SUSD5: variants seen among roughly 807,000 people sequenced by gnomAD.
The protein encoded by SUSD5 is sushi domain-containing protein 5.
In SUSD5, 33 loss-of-function variants were observed where a neutral mutation model predicts 29.5. The ratio of observed to expected loss-of-function variants is 1.12; its 90% CI spans 0.85 to 1.49. The LOEUF is 1.49. Ranked by LOEUF, SUSD5 falls within the 40% of genes most tolerant of loss-of-function variation. SUSD5 has a pLI of 0.00. For synonymous variants in SUSD5, 308 were observed against 325.3 expected (o/e 0.95, Z 0.57); for missense variants, 776 against 800.6 (o/e 0.97, Z 0.37).
chr3:33,179,167 A>C (rs551700724), intron 3 of SUSD5, among the ~76,000 whole-genome samples: 3 of 152,344 alleles, frequency 2.0e-5, no homozygotes, highest in East Asian at 3.9e-4. Flanking sequence ...CAATGGGACA[A>C]TTTAATGTAG....
At chr3:33,160,423 C>T (rs2031160156) in intron 4 of SUSD5, among the ~76,000 whole-genome samples, 2 of 151,640 alleles carry the variant, frequency 1.3e-5, no homozygotes, top group South Asian at 2.1e-4. Context: ...GGTGTGGTGG[C>T]ACACACCTGT....
intron 3 of SUSD5, among the ~76,000 whole-genome samples, chr3:33,175,994 C>T (rs1056645292): frequency 2.0e-5 from 3 of 152,192 alleles, no homozygotes; most frequent in Non-Finnish European, 4.4e-5. Context: ...CCTCTGTGCT[C>T]TGCTTATTTA....
At chr3:33,202,024 T>TTATCTAACTATC (rs146861505) in intron 3 of SUSD5, among the ~76,000 whole-genome samples, 112 of 146,646 alleles carry the variant, frequency 7.6e-4, no homozygotes, top group African/African-American at 2.8e-3. Flanking sequence ...AGGGGAGAAG[T>TTATCTAACTATC]TATCTATCTA....
In SUSD5 at chr3:33,152,522, G is replaced by T. The variant is rs1464624317; in HGVS notation, c.*220C>A. 1.8e-6 allele frequency: 1 copy of T among 561,126 alleles called. No homozygotes were observed. The highest frequency in any genetic ancestry group is 1.9e-5 in the African/African-American group (1 of 53,268). The allele number at this position is 561,126 out of a possible 1,614,324, so 34.8% of individuals were successfully genotyped here. On this transcript the variant is annotated 3_prime_UTR_variant, in exon 5 of 5. Transcript: ENST00000309558. ...TCTGGGATTAGTGTAGTCAATTCCA[G>T]GGCAGATGGTGGAGGAGACATTGAC...
At position 33,153,842 on chromosome 3, in the gene SUSD5, T is replaced by C. The variant is rs1334974620; in HGVS notation, c.790A>G (p.Lys264Glu). The C allele has an allele frequency of 6.2e-7, 1 of 1,614,012 alleles. No individual in the cohort carries two copies. The highest frequency in any genetic ancestry group is 8.5e-7 in the Non-Finnish European group (1 of 1,179,868). Residue 264 changes from lysine (K) to glutamate (E), a missense_variant, in exon 5 of 5, where the codon AAA becomes GAA. Coordinates refer to ENST00000309558, the MANE Select transcript of SUSD5 (RefSeq NM_015551.2). ...AAGCCTGTGGTTGGCACAAAGACTT[T>C]ATCCCGGGCTATGTTTTCTCTCCCC... ...SVGRENIARD[K>E]VFVPTTGLPG...
At position 33,150,085 on chromosome 3, in the gene SUSD5, T is replaced by C. The variant is rs1416781814; in HGVS notation, c.*2657A>G. 1.3e-5 allele frequency: 2 copies of C among 152,198 alleles called. No individual in the cohort carries two copies. The highest frequency in any genetic ancestry group is 2.9e-5 in the Non-Finnish European group (2 of 68,038). 9.4% of individuals were successfully genotyped at this position (152,198 alleles called of 1,614,324 possible). On this transcript the variant is annotated 3_prime_UTR_variant, in exon 5 of 5. Coordinates refer to ENST00000309558, the MANE Select transcript of SUSD5 (RefSeq NM_015551.2). ...TATTTTAAATATCTCAGAAGCTTTGTGTTAATAGAACCCCCTCCCCCAATT... is the reference window on the plus strand; with the variant it reads ...TATTTTAAATATCTCAGAAGCTTTGCGTTAATAGAACCCCCTCCCCCAATT...
intron 3 of SUSD5, among the ~76,000 whole-genome samples, chr3:33,191,080 G>T (rs146167181): frequency 0.016 from 2,358 of 151,310 alleles, 53 homozygotes; most frequent in African/African-American, 0.052. Context: ...TGGGTTTTGG[G>T]TATTTACTTT....
intron 3 of SUSD5, among the ~76,000 whole-genome samples, chr3:33,182,789 T>C (rs139590020): frequency 6.0e-4 from 92 of 152,236 alleles, no homozygotes; most frequent in Middle Eastern, 6.8e-3. Flanking sequence ...CTCCATCCCT[T>C]TCCTTTTTGT....
chr3:33,191,201 C>T (rs2031883124), intron 3 of SUSD5, among the ~76,000 whole-genome samples: 1 of 151,512 alleles, frequency 6.6e-6, no homozygotes, highest in Non-Finnish European at 1.5e-5. Context: ...ATGATCTCGG[C>T]TCACTACAAG....
At chr3:33,154,839 G>T (rs1390275722) in intron 4 of SUSD5, among the ~76,000 whole-genome samples, 1 of 152,080 alleles carries the variant, frequency 6.6e-6, no homozygotes, top group Non-Finnish European at 1.5e-5. Flanking sequence ...TCATTAAGTT[G>T]GCAATTCTGT....
chr3:33,152,877 T>C lies in SUSD5; in HGVS notation c.1755A>G (p.Leu585=), dbSNP rs1181129258. The C allele has an allele frequency of 1.4e-5, 23 of 1,613,766 alleles. No homozygotes were observed. In the East Asian group the frequency reaches 2.5e-4, roughly 17 times the overall value. Residue 585 remains leucine (L), a synonymous_variant, in exon 5 of 5, where the codon CTA becomes CTG. Transcript: ENST00000309558. ...VIATIVTVLC[L]LLLLAGVGMV... ...TCCCCACACCTGCCAGGAGCAGCAG[T>C]AGGCACAGGACGGTGACAATGGTGG... is the stretch of plus-strand genomic sequence containing the variant.
chr3:33,181,330 C>T (rs1039398255), intron 3 of SUSD5, among the ~76,000 whole-genome samples: 1 of 151,552 alleles, frequency 6.6e-6, no homozygotes, highest in Non-Finnish European at 1.5e-5. Flanking sequence ...TGGTAAATGC[C>T]CTATACAGAT....
At chr3:33,207,344 G>A (rs1353381799) in intron 3 of SUSD5, among the ~76,000 whole-genome samples, 3 of 152,126 alleles carry the variant, frequency 2.0e-5, no homozygotes, top group African/African-American at 4.8e-5. Flanking sequence ...ACGGACTCCT[G>A]GTAGGCACCT....
In SUSD5 at chr3:33,150,824, A is replaced by G. The variant is rs890385175; in HGVS notation, c.*1918T>C. On this transcript the variant is annotated 3_prime_UTR_variant, in exon 5 of 5. Transcript: ENST00000309558. ...AAACACCACCAACAATTTTTCAATC[A>G]TAAAAAAGATCAGGATTTCCCTCTA... 1 of 152,242 alleles carries G rather than the reference A, an allele frequency of 6.6e-6. No homozygotes were observed. The highest frequency in any genetic ancestry group is 2.4e-5 in the African/African-American group (1 of 41,460). 9.4% of individuals were successfully genotyped at this position (152,242 alleles called of 1,614,324 possible). A position where few individuals can be genotyped will look rare whatever the true frequency, so the allele number is the denominator to read the frequency against.
chr3:33,184,405 T>A (rs896126613), intron 3 of SUSD5, among the ~76,000 whole-genome samples: 4 of 152,174 alleles, frequency 2.6e-5, no homozygotes, highest in Non-Finnish European at 5.9e-5. Flanking sequence ...AGGGTGTAGT[T>A]TTTTGGGTAT....
chr3:33,212,168 C>G (rs1162923973), intron 2 of SUSD5, among the ~76,000 whole-genome samples: 1 of 152,140 alleles, frequency 6.6e-6, no homozygotes, highest in African/African-American at 2.4e-5. Flanking sequence ...TCTGATCACT[C>G]TCAATTATGT....
intron 1 of SUSD5, among the ~76,000 whole-genome samples, chr3:33,218,204 C>A (rs1318376818): frequency 6.6e-6 from 1 of 152,186 alleles, no homozygotes; most frequent in African/African-American, 2.4e-5. Flanking sequence ...CCAGGCCATT[C>A]TCTCTCTCTT....
In SUSD5 at chr3:33,208,804, T is replaced by A. The variant is rs140049134; in HGVS notation, c.291-878A>T. Among the ~76,000 whole-genome samples the A allele has an allele frequency of 8.2e-4, 125 of 152,344 alleles. 2 individuals are homozygous for A. Among genetic ancestry groups the A allele is most frequent in the African/African-American group, 2.9e-3 (119 of 41,590 alleles). ...CTTGAAATACTTAAAACACTACATA[T>A]GAATACACTTAAAATACTTCCCACT... On this transcript the variant is annotated intron_variant, in intron 2 of 4. Transcript: ENST00000309558.
chr3:33,183,060 G>A (rs1220141691), intron 3 of SUSD5, among the ~76,000 whole-genome samples: 2 of 152,084 alleles, frequency 1.3e-5, no homozygotes, highest in African/African-American at 2.4e-5. Flanking sequence ...CTCCCAAAGT[G>A]CTGGGATTAC....
Sources: gnomAD v4.1 joint callset for allele counts (sites outside exome capture counted in the v4.1 genomes callset) on GRCh38, gnomAD v4.1.1 for gene constraint, MANE v1.5 for transcripts, NCBI Gene and HGNC (gene_info 2026-07-23, HGNC 2026-07-21) for gene names.